The following CDIN1 variants were observed in gnomAD, a reference collection of about 807,000 sequenced individuals.
CDIN1 encodes the protein CDAN1-interacting nuclease 1.
Under a neutral mutation model 45.3 loss-of-function variants are expected in CDIN1, and 33 were observed. The ratio of observed to expected loss-of-function variants is 0.73; its 90% CI spans 0.55 to 0.97. The LOEUF (loss-of-function observed/expected upper bound fraction) is 0.97, where lower values mean the gene tolerates loss of function less well. Among genes scored for constraint, CDIN1 ranks in the 50% least tolerant of loss-of-function variants. The pLI is 0.00. For synonymous variants in CDIN1, 118 were observed against 124.4 expected, an observed-to-expected ratio of 0.95 and a Z score of 0.34; for missense variants, 303 against 339.4, an observed-to-expected ratio of 0.89 and a Z score of 0.84.
chr15:36,697,973 A>G (rs948900180), intron 8 of CDIN1, among the ~76,000 whole-genome samples: 4 of 152,186 alleles, frequency 2.6e-5, no homozygotes, highest in African/African-American at 9.6e-5. Flanking sequence ...ACATATAATA[A>G]GTGATCACAG....
At chr15:36,785,841 G>A (rs1243640477) in intron 10 of CDIN1, among the ~76,000 whole-genome samples, 1 of 151,914 alleles carries the variant, frequency 6.6e-6, no homozygotes, top group East Asian at 1.9e-4. Context: ...AGGACTTGTT[G>A]GCTTGACACA....
At chr15:36,776,011 TTTC>T (rs1401984185) in intron 10 of CDIN1, among the ~76,000 whole-genome samples, 8 of 152,260 alleles carry the variant, frequency 5.3e-5, no homozygotes, top group African/African-American at 1.9e-4. Flanking sequence ...AGAAACTTGA[TTTC>T]TTTTTATTCT....
In CDIN1 at chr15:36,809,775, A is replaced by C. The variant is rs991437400; in HGVS notation, c.*1322A>C. 1 of 152,190 alleles carries C rather than the reference A, an allele frequency of 6.6e-6. No homozygotes were observed. The highest frequency in any genetic ancestry group is 2.4e-5 in the African/African-American group (1 of 41,454). The allele number at this position is 152,190 out of a possible 1,614,324, so 9.4% of individuals were successfully genotyped here. On this transcript the variant is annotated 3_prime_UTR_variant, in exon 11 of 11. Transcript: ENST00000566621. ...TTGCTTGATTTTTTTCAAAAGACTA[A>C]ATATGTCATTTATACTTTGTTTATT...
chr15:36,608,596 T>C (rs2038492607), intron 1 of CDIN1, among the ~76,000 whole-genome samples: 1 of 152,276 alleles, frequency 6.6e-6, no homozygotes, highest in East Asian at 1.9e-4. Flanking sequence ...CAAGTATTTT[T>C]TTCTAGTCTG....
intron 7 of CDIN1, among the ~76,000 whole-genome samples, chr15:36,695,141 G>C (rs2042378079): frequency 6.6e-6 from 1 of 152,154 alleles, no homozygotes; most frequent in Non-Finnish European, 1.5e-5. Flanking sequence ...CACATCTCTT[G>C]AATTCTAAGA....
Position 36,808,525 on chromosome 15 carries a change from A to G in CDIN1, c.*72A>G. 6.4e-7 allele frequency: 1 copy of G among 1,571,160 alleles called. No individual in the cohort carries two copies. Among genetic ancestry groups the G allele is most frequent in the Non-Finnish European group, 8.6e-7 (1 of 1,156,474 alleles). ...AAGCAATTTTACTTTCCTGCACTGT[A>G]AGATCCTGGCAACATCTGCCCTGAA... is the stretch of plus-strand genomic sequence containing the variant. On this transcript the variant is annotated 3_prime_UTR_variant, in exon 11 of 11. Transcript: ENST00000566621.
intron 10 of CDIN1, among the ~76,000 whole-genome samples, chr15:36,749,299 A>G (rs1197610487): frequency 6.6e-6 from 1 of 152,182 alleles, no homozygotes; most frequent in East Asian, 1.9e-4. Context: ...ATGAATTTTT[A>G]GCTTGTGATT....
At chr15:36,716,005 G>A (rs2043204474) in intron 10 of CDIN1, among the ~76,000 whole-genome samples, 1 of 152,156 alleles carries the variant, frequency 6.6e-6, no homozygotes, top group Non-Finnish European at 1.5e-5. Flanking sequence ...ACTGAGCAAA[G>A]TATAGAAATG....
intron 1 of CDIN1, among the ~76,000 whole-genome samples, chr15:36,589,875 A>G (rs1380822021): frequency 6.6e-6 from 1 of 152,204 alleles, no homozygotes; most frequent in African/African-American, 2.4e-5. Context: ...CATGGGTTTG[A>G]AGCTAGAGTA....
intron 5 of CDIN1, among the ~76,000 whole-genome samples, chr15:36,667,699 A>G (rs1249895311): frequency 6.6e-6 from 1 of 152,180 alleles, no homozygotes; most frequent in Non-Finnish European, 1.5e-5. Context: ...TAATATATTT[A>G]AGAATGAGAT....
chr15:36,763,569 T>C (rs1272284824), intron 10 of CDIN1, among the ~76,000 whole-genome samples: 2 of 152,110 alleles, frequency 1.3e-5, no homozygotes, highest in African/African-American at 4.8e-5. Context: ...TGCCATCAGC[T>C]TGCACTACCA....
intron 3 of CDIN1, among the ~76,000 whole-genome samples, chr15:36,653,889 C>T (rs933988886): frequency 1.3e-5 from 2 of 152,208 alleles, no homozygotes; most frequent in African/African-American, 4.8e-5. Context: ...TCTGCCCCCA[C>T]CTTCAGCTTC....
At chr15:36,620,244 G>A (rs1191468762) in intron 1 of CDIN1, among the ~76,000 whole-genome samples, 1 of 152,086 alleles carries the variant, frequency 6.6e-6, no homozygotes, top group Non-Finnish European at 1.5e-5. Flanking sequence ...CCAGCTACCC[G>A]GGAGGCTGAG....
chr15:36,669,282 T>C (rs1462177737), intron 5 of CDIN1, among the ~76,000 whole-genome samples: 1 of 152,150 alleles, frequency 6.6e-6, no homozygotes, highest in African/African-American at 2.4e-5. Flanking sequence ...CCCATACTTG[T>C]ATCTTATACT....
intron 10 of CDIN1, among the ~76,000 whole-genome samples, chr15:36,744,919 C>T (rs2044366633): frequency 6.6e-6 from 1 of 152,120 alleles, no homozygotes; most frequent in Admixed American, 6.5e-5. Context: ...CTTTCTACAT[C>T]CCAGAAGCAG....
At chr15:36,726,002 A>G (rs1390363825) in intron 10 of CDIN1, among the ~76,000 whole-genome samples, 1 of 152,214 alleles carries the variant, frequency 6.6e-6, no homozygotes, top group Admixed American at 6.5e-5. Flanking sequence ...CATATTTGTC[A>G]TAATATTGGA....
chr15:36,639,415 G>C (rs549281776), intron 1 of CDIN1, among the ~76,000 whole-genome samples: 1 of 152,302 alleles, frequency 6.6e-6, no homozygotes, highest in South Asian at 2.1e-4. Flanking sequence ...GACCAGCCTG[G>C]CCAACATGGT....
Position 36,703,379 on chromosome 15 carries a change from T to TCAG in CDIN1, c.545-5844_545-5843insCAG, listed in dbSNP as rs1566914979. On this transcript the variant is annotated intron_variant, in intron 8 of 10. Transcript: ENST00000566621. ...ATATCAGATAGATCTATCATATATA[T>TCAG]ATATATCAGATATATATATATATGA... Among the ~76,000 whole-genome samples the TCAG allele has an allele frequency of 6.7e-4, 17 of 25,470 alleles. 1 individual carries two copies. Among genetic ancestry groups the TCAG allele is most frequent in the African/African-American group, 2.6e-3 (14 of 5,440 alleles). The allele number at this position is 25,470 out of a possible 152,430, so 16.7% of individuals were successfully genotyped here.
chr15:36,726,311 G>C (rs1424158519), intron 10 of CDIN1, among the ~76,000 whole-genome samples: 1 of 152,192 alleles, frequency 6.6e-6, no homozygotes, highest in African/African-American at 2.4e-5. Context: ...AGCACATTCA[G>C]CTTCTGTCTA....
Sources: gnomAD v4.1 joint callset for allele counts (sites outside exome capture counted in the v4.1 genomes callset) on GRCh38, gnomAD v4.1.1 for gene constraint, MANE v1.5 for transcripts, NCBI Gene and HGNC (gene_info 2026-07-23, HGNC 2026-07-21) for gene names.